The following RGS21 variants were observed in gnomAD, a reference collection of about 807,000 sequenced individuals.
RGS21 encodes the protein regulator of G protein signaling 21.
RGS21 carries 19 observed loss-of-function variants against 18.7 expected under a neutral mutation model. The observed-to-expected ratio is 1.01, with a 90% CI of 0.71 to 1.49. The LOEUF (loss-of-function observed/expected upper bound fraction) is 1.49. Among genes scored for constraint, RGS21 ranks in the 40% most tolerant of loss-of-function variants. The pLI, the probability that RGS21 is intolerant of heterozygous loss-of-function variation, is 0.00. For missense variants in RGS21, 194 were observed against 176.8 expected (o/e 1.10, Z -0.55); for synonymous variants, 56 against 57.8 (o/e 0.97, Z 0.14).
chr1:192,334,330 C>T (rs575965036), intron 1 of RGS21, among the ~76,000 whole-genome samples: 2 of 152,184 alleles, frequency 1.3e-5, no homozygotes, highest in South Asian at 2.1e-4. Context: ...TAGTTATATG[C>T]TATTACAGTC....
intron 1 of RGS21, among the ~76,000 whole-genome samples, chr1:192,341,469 A>G (rs1303974160): frequency 6.6e-6 from 1 of 152,094 alleles, no homozygotes; most frequent in Non-Finnish European, 1.5e-5. Flanking sequence ...GATACATTGA[A>G]TGCTATAAAG....
In RGS21 at chr1:192,330,395, G is replaced by T. The variant is rs564320102; in HGVS notation, c.-60-12582G>T. On this transcript the variant is annotated intron_variant, in intron 1 of 4. Coordinates refer to ENST00000417209, the MANE Select transcript of RGS21 (RefSeq NM_001039152.3). ...TGGTTCAGAATTCAAGAAAAGTGTG[G>T]TGTGGGGAAAGAATTTTCCTAAAGT... 8.5e-5 allele frequency among the ~76,000 whole-genome samples: 13 copies of T among 152,304 alleles called. No individual in the cohort carries two copies. The East Asian group carries it at 2.5e-3, about 29-fold the overall frequency.
At chr1:192,351,013 C>T (rs1173791273) in intron 3 of RGS21, among the ~76,000 whole-genome samples, 1 of 152,118 alleles carries the variant, frequency 6.6e-6, no homozygotes, top group Non-Finnish European at 1.5e-5. Flanking sequence ...GTTGTTATTA[C>T]ATTTAAAAGA....
intron 1 of RGS21, among the ~76,000 whole-genome samples, chr1:192,337,393 C>A (rs1471578106): frequency 6.6e-6 from 1 of 151,658 alleles, no homozygotes; most frequent in East Asian, 1.9e-4. Context: ...AAAAAAATAA[C>A]TTTTTTATTT....
chr1:192,362,145 G>A (rs973583893), intron 4 of RGS21, among the ~76,000 whole-genome samples: 2 of 152,134 alleles, frequency 1.3e-5, no homozygotes, highest in African/African-American at 4.8e-5. Context: ...AAGTCAGGGT[G>A]TGAAGAATCT....
chr1:192,347,700 A>G (rs1658975498), intron 3 of RGS21, among the ~76,000 whole-genome samples: 1 of 151,884 alleles, frequency 6.6e-6, no homozygotes, highest in Admixed American at 6.6e-5. Context: ...CTCTCTCTCT[A>G]TCAGGCTGGA....
In RGS21 at chr1:192,319,686, A is replaced by AT. The variant is rs770272517; in HGVS notation, c.-61+2587dup. Among the ~76,000 whole-genome samples the AT allele has an allele frequency of 4.6e-5, 7 of 152,160 alleles. 1 individual carries two copies. The highest frequency in any genetic ancestry group is 1.9e-4 in the East Asian group (1 of 5,170). ...TGTGATTATTCAGGCTACTTTTCTG[A>AT]TTTTTTGAGTCATTTTAGCTACTAC... On this transcript the variant is annotated intron_variant, in intron 1 of 4. Coordinates refer to ENST00000417209, the MANE Select transcript of RGS21 (RefSeq NM_001039152.3).
chr1:192,330,562 A>T (rs1276181902), intron 1 of RGS21, among the ~76,000 whole-genome samples: 3 of 152,196 alleles, frequency 2.0e-5, no homozygotes, highest in Non-Finnish European at 4.4e-5. Flanking sequence ...TTCTAGGGCA[A>T]AAAAACAAAA....
chr1:192,317,728 G>A (rs1267005422), intron 1 of RGS21, among the ~76,000 whole-genome samples: 6 of 151,932 alleles, frequency 3.9e-5, no homozygotes, highest in Admixed American at 6.6e-5. Context: ...AATGTTTACA[G>A]TTTTAAAGAT....
At chr1:192,355,075 T>TAAC (rs960139720) in intron 4 of RGS21, among the ~76,000 whole-genome samples, 10 of 151,652 alleles carry the variant, frequency 6.6e-5, no homozygotes, top group East Asian at 3.9e-4. Context: ...GTTCCCAAAT[T>TAAC]AACAGGGTGT....
chr1:192,361,485 T>A (rs1435147785), intron 4 of RGS21, among the ~76,000 whole-genome samples: 2 of 152,192 alleles, frequency 1.3e-5, no homozygotes, highest in African/African-American at 4.8e-5. Context: ...ATAATCACAT[T>A]GAATACTTAA....
At chr1:192,365,454 A>G (rs564594737) in intron 4 of RGS21, among the ~76,000 whole-genome samples, 2 of 152,288 alleles carry the variant, frequency 1.3e-5, no homozygotes, top group Non-Finnish European at 2.9e-5. Context: ...TTTATCAAAT[A>G]AAAAGAAACA....
chr1:192,345,766 A>C (rs1380179610), intron 2 of RGS21, among the ~76,000 whole-genome samples: 2 of 152,052 alleles, frequency 1.3e-5, no homozygotes, highest in Non-Finnish European at 2.9e-5. Context: ...TAGCAGCCAA[A>C]TTTTAGTATA....
intron 2 of RGS21, among the ~76,000 whole-genome samples, chr1:192,344,929 C>G (rs1402300538): frequency 6.6e-6 from 1 of 151,998 alleles, no homozygotes; most frequent in Non-Finnish European, 1.5e-5. Context: ...ATAACTAATT[C>G]TATTATCCAT....
intron 1 of RGS21, among the ~76,000 whole-genome samples, chr1:192,330,793 A>G (rs1658635184): frequency 3.3e-5 from 5 of 152,236 alleles, no homozygotes; most frequent in Admixed American, 3.3e-4. Context: ...AGTTATGTTA[A>G]TGATAACTCT....
intron 1 of RGS21, among the ~76,000 whole-genome samples, chr1:192,334,713 G>T (rs1173296591): frequency 6.6e-6 from 1 of 152,092 alleles, no homozygotes; most frequent in Non-Finnish European, 1.5e-5. Flanking sequence ...GTATTTATGA[G>T]TATGTATATT....
chr1:192,347,542 A>G (rs983878444), intron 3 of RGS21, among the ~76,000 whole-genome samples, 153 bp downstream of exon 3: 3 of 150,810 alleles, frequency 2.0e-5, no homozygotes, highest in African/African-American at 7.4e-5. Context: ...AAATCTAAAT[A>G]GAATCAGGTT....
chr1:192,334,340 C>G (rs1658733893), intron 1 of RGS21, among the ~76,000 whole-genome samples: 1 of 152,096 alleles, frequency 6.6e-6, no homozygotes, highest in South Asian at 2.1e-4. Flanking sequence ...CTATTACAGT[C>G]AAGATCAAAT....
intron 1 of RGS21, among the ~76,000 whole-genome samples, chr1:192,335,417 T>C (rs1658753379): frequency 6.6e-6 from 1 of 152,214 alleles, no homozygotes; most frequent in Non-Finnish European, 1.5e-5. Context: ...AATAATTTAC[T>C]TAAGAACCTC....
Sources: gnomAD v4.1 joint callset for allele counts (sites outside exome capture counted in the v4.1 genomes callset) on GRCh38, gnomAD v4.1.1 for gene constraint, MANE v1.5 for transcripts, NCBI Gene and HGNC (gene_info 2026-07-23, HGNC 2026-07-21) for gene names.